SSH1: variants seen among roughly 807,000 people sequenced by gnomAD.
SSH1 encodes protein phosphatase Slingshot homolog 1.
SSH1 carries 43 observed loss-of-function variants against 79.7 expected under a neutral mutation model. The observed-to-expected ratio is 0.54, with a 90% CI of 0.42 to 0.70. The LOEUF is 0.70. SSH1 is among the 30% of genes least tolerant of loss of function. The pLI, the probability that SSH1 is intolerant of heterozygous loss-of-function variation, is 0.00. For missense variants in SSH1, 1,206 were observed against 1,358.8 expected, an observed-to-expected ratio of 0.89 and a Z score of 1.77; for synonymous variants, 599 against 538.3, an observed-to-expected ratio of 1.11 and a Z score of -1.56.
intron 2 of SSH1, among the ~76,000 whole-genome samples, chr12:108,851,514 T>G (rs1394012967): frequency 1.3e-5 from 2 of 152,154 alleles, no homozygotes; most frequent in African/African-American, 4.8e-5. Flanking sequence ...AACTATGAGG[T>G]CAGAGTTTAA....
chr12:108,850,854 G>T (rs1306689540), intron 2 of SSH1, among the ~76,000 whole-genome samples: 3 of 135,822 alleles, frequency 2.2e-5, no homozygotes, highest in Non-Finnish European at 1.6e-5. Flanking sequence ...GCAGTTGGGG[G>T]CAGGCATCTG....
At chr12:108,833,928 T>G (rs1593111475) in intron 2 of SSH1, 2 of 152,308 alleles carry the variant, frequency 1.3e-5, no homozygotes, top group Non-Finnish European at 2.9e-5. Context: ...TCTCGCCCAC[T>G]CTGCACAGCC....
At chr12:108,833,136 G>A (rs1045538321) in intron 2 of SSH1, among the ~76,000 whole-genome samples, 8 of 152,036 alleles carry the variant, frequency 5.3e-5, no homozygotes, top group Admixed American at 2.6e-4. Flanking sequence ...ACTGACCAGC[G>A]AGCTCGCAAA....
At chr12:108,824,811 T>G (rs1296589571) in intron 2 of SSH1, among the ~76,000 whole-genome samples, 2 of 152,192 alleles carry the variant, frequency 1.3e-5, no homozygotes, top group African/African-American at 2.4e-5. Flanking sequence ...AGTCTGGCTT[T>G]TGCAAAAATT....
chr12:108,856,810 G>A (rs894830612), intron 1 of SSH1, among the ~76,000 whole-genome samples: 37 of 152,138 alleles, frequency 2.4e-4, no homozygotes, highest in Admixed American at 4.6e-4. Context: ...GAACTACCCC[G>A]GCCACAGGTC....
intron 11 of SSH1, 34 bp downstream of exon 11, chr12:108,802,288 G>C: frequency 6.2e-7 from 1 of 1,608,544 alleles, no homozygotes; most frequent in East Asian, 2.2e-5. Context: ...AAGCTGCCTG[G>C]AAGGACAGGG....
Position 108,806,318 on chromosome 12 carries a change from T to A in SSH1, c.808A>T (p.Asn270Tyr). ...RSIMMSQDLE[N>Y]VTSKEIRNEL... ...TGTCTTACCTCTTTGGAAGTCACAT[T>A]TTCTAGATCCTGGCTCATCATGATG... Residue 270 changes from asparagine (N) to tyrosine (Y), a missense_variant, in exon 9 of 15, where the codon AAT becomes TAT. By Grantham distance (143) the Asn-to-Tyr change is moderately radical. Around this residue, in one of 5 missense-constraint regions of SSH1, gnomAD observed 116 missense variants for 109.0 expected, o/e 1.06. Transcript: ENST00000326495. The A allele has an allele frequency of 6.2e-7, 1 of 1,614,132 alleles. No individual in the cohort carries two copies. Among genetic ancestry groups the A allele is most frequent in the Non-Finnish European group, 8.5e-7 (1 of 1,179,998 alleles).
intron 2 of SSH1, among the ~76,000 whole-genome samples, chr12:108,841,804 T>TC (rs909240247): frequency 3.5e-4 from 50 of 143,212 alleles, no homozygotes; most frequent in Non-Finnish European, 5.0e-4. Flanking sequence ...CAAGTCTCCA[T>TC]CCCCCCCCAC....
chr12:108,781,083 C>A lies in SSH1; in HGVS notation c.*6905G>T, dbSNP rs1168288206. On this transcript the variant is annotated 3_prime_UTR_variant, in exon 15 of 15. Coordinates refer to ENST00000326495, the MANE Select transcript of SSH1 (RefSeq NM_018984.4). ...AGCATCCCACTAAACTTTTAATATT[C>A]AATAAGCAATTCTTAACCAAAATTT... 6.6e-6 allele frequency: 1 copy of A among 151,222 alleles called. No homozygotes were observed. The highest frequency in any genetic ancestry group is 2.4e-5 in the African/African-American group (1 of 41,102). The allele number at this position is 151,222 out of a possible 1,614,324, so 9.4% of individuals were successfully genotyped here.
chr12:108,848,120 C>T (rs548343608), intron 2 of SSH1, among the ~76,000 whole-genome samples: 3 of 152,158 alleles, frequency 2.0e-5, no homozygotes, highest in African/African-American at 7.2e-5. Flanking sequence ...GAAAAGACTC[C>T]GAGGACCAGA....
intron 2 of SSH1, among the ~76,000 whole-genome samples, chr12:108,823,725 T>C (rs2038212938): frequency 6.6e-6 from 1 of 152,086 alleles, no homozygotes; most frequent in Non-Finnish European, 1.5e-5. Context: ...TGGAGTACAG[T>C]GGTGTGATCT....
In SSH1 at chr12:108,807,722, G is replaced by A. The variant is rs753945153; in HGVS notation, c.642C>T (p.Ile214=). Residue 214 remains isoleucine, a synonymous_variant, in exon 8 of 15, where the codon ATC becomes ATT. Transcript: ENST00000326495. The surrounding 1 kb of genome is among the most constrained non-coding windows in gnomAD (Gnocchi z 5.2). The stretch of plus-strand genomic sequence containing the variant: ...CGTTGATGCAGCTCTGCTCGGAGCT[G>A]ATGCAGCTCTCATAGTAGGTAGCCC... ...LIWATYYESC[I]SSEQSCINEW... The A allele has an allele frequency of 8.1e-6, 13 of 1,613,408 alleles. 1 individual carries two copies. The Admixed American group carries it at 2.2e-4, about 27-fold the overall frequency.
chr12:108,807,283 G>A lies in SSH1; in HGVS notation c.731+350C>T, dbSNP rs1432772603. ...GGAGGCTCTGAGAATTAAGTCTCTG[G>A]TAATCTGAAGAGAAAAGGCCAGACC... is the stretch of plus-strand genomic sequence containing the variant. On this transcript the variant is annotated intron_variant, in intron 8 of 14. Coordinates refer to ENST00000326495, the MANE Select transcript of SSH1 (RefSeq NM_018984.4). This position sits in a 1 kb window ranked among gnomAD's most constrained non-coding sequence, Gnocchi z 5.2. 6.6e-6 allele frequency among the ~76,000 whole-genome samples: 1 copy of A among 152,110 alleles called. No homozygotes were observed. Among genetic ancestry groups the A allele is most frequent in the Non-Finnish European group, 1.5e-5 (1 of 68,024 alleles).
chr12:108,787,984 C>A lies in SSH1; in HGVS notation c.*4G>T. ...CCGCCCAGCCTGACGCAGCAAAAGG[C>A]GGGTCAGCTTTTGCTCATCCACGAA... On this transcript the variant is annotated 3_prime_UTR_variant, in exon 15 of 15. Transcript: ENST00000326495. 1 of 1,614,072 alleles carries A rather than the reference C, an allele frequency of 6.2e-7. No homozygotes were observed.
chr12:108,855,175 C>G (rs1439954258), intron 1 of SSH1, among the ~76,000 whole-genome samples: 1 of 152,144 alleles, frequency 6.6e-6, no homozygotes, highest in Non-Finnish European at 1.5e-5. Flanking sequence ...TGAAGTACTG[C>G]CACATGCTAC....
chr12:108,804,923 C>G, intron 10 of SSH1, 133 bp downstream of exon 10: 5 of 1,095,060 alleles, frequency 4.6e-6, no homozygotes, highest in Non-Finnish European at 6.7e-6. Flanking sequence ...GGAGCTCCTG[C>G]CAGCCAGGAT....
intron 3 of SSH1, among the ~76,000 whole-genome samples, chr12:108,821,216 T>TACACACAC (rs34074449): frequency 5.4e-5 from 8 of 147,692 alleles, no homozygotes; most frequent in African/African-American, 1.5e-4. Context: ...AGACCTCATC[T>TACACACAC]ACACACACAC....
At position 108,807,904 on chromosome 12, in the gene SSH1, CAAA is replaced by C. The variant is rs1027305692; in HGVS notation, c.537-80_537-78del. The C allele has an allele frequency of 1.5e-6, 2 of 1,328,108 alleles. No homozygotes were observed. Among genetic ancestry groups the C allele is most frequent in the Admixed American group, 1.8e-5 (1 of 55,902 alleles). The allele number at this position is 1,328,108 out of a possible 1,614,324, so 82.3% of individuals were successfully genotyped here. On this transcript the variant is annotated intron_variant, in intron 7 of 14. Coordinates refer to ENST00000326495, the MANE Select transcript of SSH1 (RefSeq NM_018984.4). This position sits in a 1 kb window ranked among gnomAD's most constrained non-coding sequence, Gnocchi z 5.2. ...GGTTTTCTCCTCTGACAAAGGGGTT[CAAA>C]TACGGGAAGGGAAGGGCAATGATTG...
intron 2 of SSH1, among the ~76,000 whole-genome samples, chr12:108,827,048 G>C (rs1258376832): frequency 6.6e-6 from 1 of 150,942 alleles, no homozygotes; most frequent in Non-Finnish European, 1.5e-5. Context: ...CAACTGGAAT[G>C]TTTTTATCTC....
Sources: gnomAD v4.1 joint callset for allele counts (sites outside exome capture counted in the v4.1 genomes callset) on GRCh38, gnomAD v4.1.1 for gene constraint, gnomAD v4.1.1 regional missense constraint, Gnocchi (gnomAD v3.1) non-coding constraint, MANE v1.5 for transcripts, NCBI Gene and HGNC (gene_info 2026-07-23, HGNC 2026-07-21) for gene names.